The following RBMS1 variants were observed in gnomAD, a reference collection of about 807,000 sequenced individuals.
RBMS1 encodes the protein RNA-binding motif, single-stranded-interacting protein 1.
RBMS1 carries 17 observed loss-of-function variants against 62.3 expected under a neutral mutation model. That is an observed-to-expected ratio of 0.27 (90% CI 0.19 to 0.41). RBMS1 has a LOEUF of 0.41. RBMS1 is among the 10% of genes least tolerant of loss of function. The pLI, the probability that RBMS1 is intolerant of heterozygous loss-of-function variation, is 1.00. For synonymous variants in RBMS1, 172 were observed against 170.0 expected, an observed-to-expected ratio of 1.01 and a Z score of -0.09; for missense variants, 334 against 504.5, an observed-to-expected ratio of 0.66 and a Z score of 3.24.
intron 2 of RBMS1, among the ~76,000 whole-genome samples, chr2:160,340,575 G>T: frequency 6.6e-6 from 1 of 152,112 alleles, no homozygotes; most frequent in Non-Finnish European, 1.5e-5. Flanking sequence ...ACTTGAAAAA[G>T]ATCTGAGGCA....
intron 1 of RBMS1, among the ~76,000 whole-genome samples, chr2:160,433,064 A>T (rs1682963256): frequency 6.6e-6 from 1 of 151,948 alleles, no homozygotes. Context: ...CTAACTGGTC[A>T]CATCTCCGGG....
At chr2:160,459,600 T>C (rs1405227502) in intron 1 of RBMS1, among the ~76,000 whole-genome samples, 1 of 152,230 alleles carries the variant, frequency 6.6e-6, no homozygotes, top group East Asian at 1.9e-4. Flanking sequence ...TTTATCATTA[T>C]TAACTGTTGA....
intron 2 of RBMS1, among the ~76,000 whole-genome samples, chr2:160,359,937 C>G (rs2106015838): frequency 6.6e-6 from 1 of 152,164 alleles, no homozygotes; most frequent in East Asian, 1.9e-4. Flanking sequence ...TTTCTTATGA[C>G]AGTAAGAATA....
intron 1 of RBMS1, among the ~76,000 whole-genome samples, chr2:160,427,550 TAG>T (rs1315513955): frequency 2.2e-5 from 3 of 137,784 alleles, no homozygotes; most frequent in East Asian, 6.1e-4. Flanking sequence ...TATTAATACA[TAG>T]AGATTTCATA....
chr2:160,323,607 TGAAA>T lies in RBMS1; in HGVS notation c.252-5384_252-5381del, dbSNP rs145513570. Among the ~76,000 whole-genome samples the T allele has an allele frequency of 5.2e-4, 43 of 83,020 alleles. 3 individuals carry two copies. The highest frequency in any genetic ancestry group is 1.8e-3 in the East Asian group (3 of 1,642). 54.5% of individuals were successfully genotyped at this position (83,020 alleles called of 152,430 possible). ...CCAAACAGCATGATGTAGAATTTCA[TGAAA>T]GAAAAAAAAAAAAAAAAAAACTGTG... On this transcript the variant is annotated intron_variant, in intron 2 of 13. Coordinates refer to ENST00000348849, the MANE Select transcript of RBMS1 (RefSeq NM_016836.4).
intron 10 of RBMS1, 88 bp from the exon 11 acceptor site, chr2:160,278,746 G>T (rs1007025104): frequency 8.8e-6 from 7 of 795,398 alleles, no homozygotes; most frequent in Non-Finnish European, 1.4e-5. Context: ...AAATACCTTA[G>T]TTTGTTTAAG....
At chr2:160,434,634 A>G (rs1683041460) in intron 1 of RBMS1, among the ~76,000 whole-genome samples, 3 of 152,250 alleles carry the variant, frequency 2.0e-5, no homozygotes, top group African/African-American at 7.2e-5. Context: ...CACTTGAAAT[A>G]TGGCTAGCAT....
intron 1 of RBMS1, among the ~76,000 whole-genome samples, chr2:160,467,102 A>G (rs1418438398): frequency 6.6e-6 from 1 of 152,136 alleles, no homozygotes; most frequent in Admixed American, 6.5e-5. Flanking sequence ...AAGGAGAGAA[A>G]TGCATAGAAT....
At position 160,272,810 on chromosome 2, in the gene RBMS1, T is replaced by C. The variant is rs1687647649; in HGVS notation, c.*1962A>G. The C allele has an allele frequency of 6.6e-6, 1 of 152,256 alleles. No homozygotes were observed. Among genetic ancestry groups the C allele is most frequent in the Non-Finnish European group, 1.5e-5 (1 of 68,050 alleles). The allele number at this position is 152,256 out of a possible 1,614,324, so 9.4% of individuals were successfully genotyped here. A position where few individuals can be genotyped will look rare whatever the true frequency, so the allele number is the denominator to read the frequency against. On this transcript the variant is annotated 3_prime_UTR_variant, in exon 14 of 14. Transcript: ENST00000348849. The stretch of plus-strand genomic sequence containing the variant: ...TATGACTATGTAATTTTCACTAGAA[T>C]CTACACTTCTCAGAGCAGCAAGGAC...
intron 2 of RBMS1, among the ~76,000 whole-genome samples, chr2:160,343,341 A>G (rs867121705): frequency 7.2e-5 from 11 of 152,364 alleles, no homozygotes; most frequent in Middle Eastern, 3.4e-3. Context: ...ATTAAAAACA[A>G]GAAGTCTACA....
At chr2:160,311,210 A>AACTCTCTCTCTCTCTCTCTC in intron 4 of RBMS1, among the ~76,000 whole-genome samples, 1 of 56,612 alleles carries the variant, frequency 1.8e-5, no homozygotes, top group Non-Finnish European at 3.7e-5. Flanking sequence ...AAAAAAAAAA[A>AACTCTCTCTCTCTCTCTCTC]TCTATCTATC....
intron 2 of RBMS1, among the ~76,000 whole-genome samples, chr2:160,343,673 T>C (rs1370235048): frequency 6.6e-6 from 1 of 152,184 alleles, no homozygotes. Flanking sequence ...AATGGCTTCT[T>C]ATGAGGCATC....
intron 1 of RBMS1, among the ~76,000 whole-genome samples, chr2:160,430,999 T>G (rs746102561): frequency 2.6e-5 from 4 of 151,244 alleles, no homozygotes; most frequent in African/African-American, 4.9e-5. Context: ...ATGACTGATA[T>G]GGACATGACG....
At chr2:160,439,882 G>A (rs28571931) in intron 1 of RBMS1, among the ~76,000 whole-genome samples, 42,452 of 151,574 alleles carry the variant, frequency 0.28, 6,478 homozygotes, top group East Asian at 0.59. Context: ...GCGAAACCCC[G>A]TCTCCACCAA....
Position 160,453,113 on chromosome 2 carries a change from G to A in RBMS1, c.75+40176C>T, listed in dbSNP as rs552193233. On this transcript the variant is annotated intron_variant, in intron 1 of 13. Coordinates refer to ENST00000348849, the MANE Select transcript of RBMS1 (RefSeq NM_016836.4). Reference sequence around the variant, plus strand: ...TTATGATGATGATGATGATGATGATGATGCTTATTATTACTATTACTATTG... The same window carrying A: ...TTATGATGATGATGATGATGATGATAATGCTTATTATTACTATTACTATTG... 4.8e-5 allele frequency among the ~76,000 whole-genome samples: 7 copies of A among 145,932 alleles called. No individual in the cohort carries two copies. In the South Asian group the frequency reaches 1.5e-3, roughly 32 times the overall value.
intron 1 of RBMS1, among the ~76,000 whole-genome samples, chr2:160,474,138 C>G (rs1489483268): frequency 2.0e-5 from 3 of 151,882 alleles, no homozygotes; most frequent in African/African-American, 7.3e-5. Flanking sequence ...TATTATTATT[C>G]AAATTTGAAA....
intron 1 of RBMS1, among the ~76,000 whole-genome samples, chr2:160,396,897 T>A (rs1695175864): frequency 6.6e-6 from 1 of 152,164 alleles, no homozygotes; most frequent in Non-Finnish European, 1.5e-5. Context: ...CACGTGGCAC[T>A]CTCTGACCGA....
At chr2:160,372,587 G>A (rs965831144) in intron 1 of RBMS1, among the ~76,000 whole-genome samples, 1 of 152,232 alleles carries the variant, frequency 6.6e-6, no homozygotes, top group Non-Finnish European at 1.5e-5. Flanking sequence ...CTCTCTGTAT[G>A]CTTTCAAGAT....
At chr2:160,404,039 G>T (rs765002030) in intron 1 of RBMS1, among the ~76,000 whole-genome samples, 3 of 152,072 alleles carry the variant, frequency 2.0e-5, no homozygotes, top group Non-Finnish European at 4.4e-5. Flanking sequence ...GGTTTTTGGG[G>T]TGCTCTTTTC....
Sources: gnomAD v4.1 joint callset for allele counts (sites outside exome capture counted in the v4.1 genomes callset) on GRCh38, gnomAD v4.1.1 for gene constraint, MANE v1.5 for transcripts, NCBI Gene and HGNC (gene_info 2026-07-23, HGNC 2026-07-21) for gene names.